Variants in GRID2 observed in about 807,000 individuals in gnomAD.
The protein encoded by GRID2 is glutamate receptor ionotropic, delta-2.
Under a neutral mutation model 114.8 loss-of-function variants are expected in GRID2, and 33 were observed. That is an observed-to-expected ratio of 0.29 (90% CI 0.22 to 0.38). GRID2 has a LOEUF of 0.38. Among genes scored for constraint, GRID2 ranks in the 10% least tolerant of loss-of-function variants. The pLI, the probability that GRID2 is intolerant of heterozygous loss-of-function variation, is 1.00. For missense variants in GRID2, 1,184 were observed against 1,257.7 expected (o/e 0.94, Z 0.89); for synonymous variants, 505 against 449.9 (o/e 1.12, Z -1.55).
intron 1 of GRID2, among the ~76,000 whole-genome samples, chr4:92,345,477 T>C (rs1012069309): frequency 3.3e-5 from 5 of 152,208 alleles, no homozygotes; most frequent in Non-Finnish European, 7.3e-5. Context: ...TACCCAGTAG[T>C]GGGATAGCTG....
intron 2 of GRID2, among the ~76,000 whole-genome samples, chr4:92,616,069 C>A (rs1729991421): frequency 6.6e-6 from 1 of 151,530 alleles, no homozygotes; most frequent in African/African-American, 2.4e-5. Context: ...ATTATCTTTT[C>A]CATTTCTTTC....
At chr4:93,361,079 T>A (rs918623790) in intron 8 of GRID2, among the ~76,000 whole-genome samples, 6 of 152,066 alleles carry the variant, frequency 3.9e-5, no homozygotes, top group African/African-American at 1.4e-4. Context: ...TTCATTACAA[T>A]AGGTAACACT....
intron 2 of GRID2, among the ~76,000 whole-genome samples, chr4:92,799,309 C>T (rs1244138023): frequency 6.6e-6 from 1 of 151,928 alleles, no homozygotes; most frequent in Admixed American, 6.6e-5. Flanking sequence ...TGCTGCTGAT[C>T]TGATGGGAAG....
intron 1 of GRID2, among the ~76,000 whole-genome samples, chr4:92,378,847 G>T (rs1729479930): frequency 6.6e-6 from 1 of 151,766 alleles, no homozygotes. Flanking sequence ...TTTTGCTCAT[G>T]TTTACTAATC....
intron 9 of GRID2, among the ~76,000 whole-genome samples, chr4:93,414,685 T>TTATATATATATATATATA (rs34416042): frequency 0.014 from 1,967 of 140,218 alleles, 35 homozygotes; most frequent in African/African-American, 0.041. Flanking sequence ...ATCTGACATT[T>TTATATATATATATATATA]TATATATATA....
chr4:92,363,881 A>G (rs1445119562), intron 1 of GRID2, among the ~76,000 whole-genome samples: 1 of 141,400 alleles, frequency 7.1e-6, no homozygotes, highest in South Asian at 2.2e-4. Flanking sequence ...GTGCAGTGGC[A>G]TGATCTCATC....
intron 11 of GRID2, among the ~76,000 whole-genome samples, chr4:93,462,480 A>G (rs1007068314): frequency 1.3e-5 from 2 of 152,198 alleles, no homozygotes; most frequent in African/African-American, 4.8e-5. Context: ...ATGCTGTTGC[A>G]CAAGAGTTAA....
chr4:92,964,435 G>A (rs1301670746), intron 2 of GRID2, among the ~76,000 whole-genome samples: 1 of 151,972 alleles, frequency 6.6e-6, no homozygotes, highest in Admixed American at 6.6e-5. Flanking sequence ...AAATGTACAT[G>A]GGGGTTAAAG....
Position 92,482,135 on chromosome 4 carries a change from T to TA in GRID2, c.89-107989dup, listed in dbSNP as rs200140426. On this transcript the variant is annotated intron_variant, in intron 1 of 15. Transcript: ENST00000282020. ...TATACTATGGAATACTACACAGCCA[T>TA]AAAAAAACAGTGAAATCATGTCCTT... 9.5e-3 allele frequency among the ~76,000 whole-genome samples: 1,419 copies of TA among 149,604 alleles called. 22 individuals carry two copies. The highest frequency in any genetic ancestry group is 0.033 in the African/African-American group (1,355 of 40,682).
intron 14 of GRID2, among the ~76,000 whole-genome samples, chr4:93,746,146 G>A (rs1019352436): frequency 2.6e-5 from 4 of 152,056 alleles, no homozygotes; most frequent in African/African-American, 7.2e-5. Flanking sequence ...AGGACAAGTG[G>A]TATCCTGAAG....
intron 3 of GRID2, among the ~76,000 whole-genome samples, chr4:93,086,316 T>TA (rs1251787505): frequency 1.3e-5 from 2 of 152,156 alleles, no homozygotes; most frequent in Admixed American, 6.5e-5. Context: ...ATAAACATCT[T>TA]AAAAAATGCT....
At chr4:93,542,596 G>A (rs958123559) in intron 13 of GRID2, among the ~76,000 whole-genome samples, 2 of 152,164 alleles carry the variant, frequency 1.3e-5, no homozygotes, top group Non-Finnish European at 2.9e-5. Flanking sequence ...AATAAGATAC[G>A]GGAAGCCATG....
intron 1 of GRID2, among the ~76,000 whole-genome samples, chr4:92,567,895 C>T (rs976357473): frequency 1.3e-5 from 2 of 151,832 alleles, no homozygotes; most frequent in Non-Finnish European, 2.9e-5. Flanking sequence ...CAAACAAAAC[C>T]CCTTGCCCTC....
intron 14 of GRID2, among the ~76,000 whole-genome samples, chr4:93,743,607 G>A (rs1199042297): frequency 6.6e-6 from 1 of 152,196 alleles, no homozygotes; most frequent in East Asian, 1.9e-4. Context: ...ATTCCATGGT[G>A]AGAGAGGAAG....
chr4:92,830,142 C>G (rs999600781), intron 2 of GRID2, among the ~76,000 whole-genome samples: 1 of 150,032 alleles, frequency 6.7e-6, no homozygotes, highest in Admixed American at 6.6e-5. Flanking sequence ...ACACCTAAAG[C>G]AATCCTGGGA....
chr4:93,033,808 C>T (rs1357641991), intron 2 of GRID2, among the ~76,000 whole-genome samples: 6 of 152,142 alleles, frequency 3.9e-5, no homozygotes, highest in African/African-American at 1.4e-4. Flanking sequence ...GCAATGACCT[C>T]AACTGTTCAC....
Position 92,960,911 on chromosome 4 carries a change from T to C in GRID2, c.245-124084T>C, listed in dbSNP as rs181641652. Among the ~76,000 whole-genome samples the C allele has an allele frequency of 9.5e-4, 145 of 151,974 alleles. 1 individual carries two copies. Among genetic ancestry groups the C allele is most frequent in the Non-Finnish European group, 2.9e-4 (20 of 67,898 alleles). ...TATCTTAGCATATCAGTTATATATTTTTCCTTGGTTTCTTATAAGTTATTT... is the reference window on the plus strand; with the variant it reads ...TATCTTAGCATATCAGTTATATATTCTTCCTTGGTTTCTTATAAGTTATTT... On this transcript the variant is annotated intron_variant, in intron 2 of 15. Coordinates refer to ENST00000282020, the MANE Select transcript of GRID2 (RefSeq NM_001510.4).
At chr4:93,122,446 C>T (rs979894940) in intron 4 of GRID2, among the ~76,000 whole-genome samples, 1 of 152,008 alleles carries the variant, frequency 6.6e-6, no homozygotes, top group African/African-American at 2.4e-5. Flanking sequence ...TTGCTATGAC[C>T]TATATATTAT....
chr4:93,011,681 G>C (rs1722184868), intron 2 of GRID2, among the ~76,000 whole-genome samples: 1 of 152,020 alleles, frequency 6.6e-6, no homozygotes, highest in Admixed American at 6.6e-5. Flanking sequence ...AGTTTCTCAG[G>C]CATCACATCG....
Sources: gnomAD v4.1 joint callset for allele counts (sites outside exome capture counted in the v4.1 genomes callset) on GRCh38, gnomAD v4.1.1 for gene constraint, MANE v1.5 for transcripts, NCBI Gene and HGNC (gene_info 2026-07-23, HGNC 2026-07-21) for gene names.